PIWIL1: variants seen among roughly 807,000 people sequenced by gnomAD.
PIWIL1 encodes piwi-like protein 1.
Under a neutral mutation model 114.4 loss-of-function variants are expected in PIWIL1, and 73 were observed. That is an observed-to-expected ratio of 0.64 (90% confidence interval 0.53 to 0.78). PIWIL1 has a LOEUF of 0.78. Ranked by LOEUF, PIWIL1 falls within the 30% of genes least tolerant of loss-of-function variation. PIWIL1 has a pLI of 0.00. For synonymous variants in PIWIL1, 375 were observed against 369.0 expected, an observed-to-expected ratio of 1.02 and a Z score of -0.19; for missense variants, 723 against 1,063.1, an observed-to-expected ratio of 0.68 and a Z score of 4.45.
intron 10 of PIWIL1, 92 bp downstream of exon 10, chr12:130,354,755 C>A: frequency 6.7e-7 from 1 of 1,489,982 alleles, no homozygotes; most frequent in Non-Finnish European, 9.0e-7. Flanking sequence ...TTCCCCTTCC[C>A]TCCCCCCAGA....
chr12:130,399,072 C>T, the PIWIL1 span: 1 of 1,135,500 alleles, frequency 8.8e-7, no homozygotes, highest in South Asian at 2.6e-5. Flanking sequence ...GTTAAGGTAG[C>T]TTAAGTTGGT....
At chr12:130,410,749 G>A in the PIWIL1 span, among the ~76,000 whole-genome samples, 6 of 152,098 alleles carry the variant, frequency 3.9e-5, no homozygotes, top group South Asian at 2.1e-4. Flanking sequence ...ACGTTGTCTC[G>A]ATTAGCATAC....
the PIWIL1 span, among the ~76,000 whole-genome samples, chr12:130,381,008 T>A: frequency 6.6e-6 from 1 of 152,130 alleles, no homozygotes; most frequent in Non-Finnish European, 1.5e-5. Context: ...AGAATTCCTA[T>A]GTGTTCCCCT....
downstream of PIWIL1, among the ~76,000 whole-genome samples, chr12:130,373,930 G>A (rs2073847224): frequency 6.6e-6 from 1 of 152,120 alleles, no homozygotes; most frequent in Non-Finnish European, 1.5e-5. Context: ...CGTGGGATGT[G>A]CGTATCTGAG....
chr12:130,411,588 C>T, the PIWIL1 span, among the ~76,000 whole-genome samples: 1 of 152,086 alleles, frequency 6.6e-6, no homozygotes, highest in Non-Finnish European at 1.5e-5. Flanking sequence ...ATCAAGTTAC[C>T]GTTCCTTAAC....
intron 14 of PIWIL1, among the ~76,000 whole-genome samples, chr12:130,358,876 C>G (rs1371088871): frequency 1.3e-5 from 2 of 152,142 alleles, no homozygotes; most frequent in African/African-American, 4.8e-5. Flanking sequence ...CAGGCACCAG[C>G]ATGTTGTACG....
intron 11 of PIWIL1, 65 bp downstream of exon 11, chr12:130,355,070 G>A: frequency 1.0e-6 from 1 of 985,164 alleles, no homozygotes; most frequent in Non-Finnish European, 1.6e-6. Context: ...GTGGCTTTGA[G>A]GGGTATCTTT....
chr12:130,388,693 G>T, the PIWIL1 span, among the ~76,000 whole-genome samples: 1 of 152,000 alleles, frequency 6.6e-6, no homozygotes, highest in Non-Finnish European at 1.5e-5. Context: ...ATTCCTAAGT[G>T]CTTTTAGAGT....
At chr12:130,339,699 A>T (rs2072845435) in intron 1 of PIWIL1, 1 of 152,166 alleles carries the variant, frequency 6.6e-6, no homozygotes, top group South Asian at 2.1e-4. Flanking sequence ...TGAGCCCCCC[A>T]GGTATTTAGT....
At chr12:130,346,023 G>A (rs1197006483) in intron 4 of PIWIL1, 145 bp downstream of exon 4, 4 of 738,466 alleles carry the variant, frequency 5.4e-6, no homozygotes, top group Non-Finnish European at 8.6e-6. Context: ...CGTTGATGAA[G>A]TAGGTTATAG....
the PIWIL1 span, chr12:130,414,244 C>T: frequency 4.3e-6 from 7 of 1,613,810 alleles, no homozygotes; most frequent in Admixed American, 1.7e-5. Context: ...AGCTCTTCGG[C>T]ACCAGGGTCA....
At chr12:130,399,845 T>C in the PIWIL1 span, 1 of 1,611,836 alleles carries the variant, frequency 6.2e-7, no homozygotes, top group Admixed American at 1.7e-5. Flanking sequence ...AGAAGAACTA[T>C]TTATTTTTCT....
intron 14 of PIWIL1, among the ~76,000 whole-genome samples, chr12:130,360,951 T>G (rs1252798310): frequency 1.3e-5 from 2 of 152,234 alleles, no homozygotes; most frequent in East Asian, 3.8e-4. Flanking sequence ...TGACTCATAG[T>G]TTGCTTAACA....
At chr12:130,390,903 C>T in the PIWIL1 span, among the ~76,000 whole-genome samples, 1 of 152,172 alleles carries the variant, frequency 6.6e-6, no homozygotes, top group Non-Finnish European at 1.5e-5. Flanking sequence ...TCTCCAGGAC[C>T]GGTGCCTGCA....
At chr12:130,364,748 A>AG (rs1239950364) in intron 18 of PIWIL1, among the ~76,000 whole-genome samples, 2 of 152,114 alleles carry the variant, frequency 1.3e-5, no homozygotes, top group East Asian at 3.9e-4. Context: ...TGCAGCAGGC[A>AG]GTAAAGGAGG....
chr12:130,376,367 AAC>A (rs763267341), downstream of PIWIL1, among the ~76,000 whole-genome samples: 4 of 152,246 alleles, frequency 2.6e-5, no homozygotes, highest in African/African-American at 4.8e-5. Flanking sequence ...GCCTCTGGAA[AAC>A]ACTGTATATG....
chr12:130,357,837 G>GT lies in PIWIL1; in HGVS notation c.1665+284_1665+285insT, dbSNP rs2073406815. On this transcript the variant is annotated intron_variant, in intron 14 of 20. Coordinates refer to ENST00000245255, the MANE Select transcript of PIWIL1 (RefSeq NM_004764.5). ...AGGCTTTACTTAGTCTAGAAAATTT[G>GT]GAAAATACAGAAAAGCACAGAGGTA... Among the ~76,000 whole-genome samples, 3 of 152,184 alleles carry GT rather than the reference G, an allele frequency of 2.0e-5. No homozygotes were observed. The South Asian group carries it at 6.2e-4, about 32-fold the overall frequency.
At chr12:130,364,088 T>G (rs190844360) in intron 18 of PIWIL1, among the ~76,000 whole-genome samples, 1 of 152,350 alleles carries the variant, frequency 6.6e-6, no homozygotes, top group Admixed American at 6.5e-5. Flanking sequence ...AGAGCCATTC[T>G]AATCAGTTAC....
At chr12:130,414,303 T>G in the PIWIL1 span, 1 of 1,581,460 alleles carries the variant, frequency 6.3e-7, no homozygotes, top group South Asian at 1.2e-5. Context: ...TCGCCCGTAA[T>G]CGTCTGCGAG....
Sources: allele counts gnomAD v4.1 joint callset (sites outside exome capture counted in the v4.1 genomes callset), GRCh38; gene constraint gnomAD v4.1.1; transcripts MANE v1.5; gene names NCBI Gene and HGNC (gene_info 2026-07-23, HGNC 2026-07-21).